Variants in NUP210 observed in about 807,000 individuals in gnomAD.
The protein encoded by NUP210 is nucleoporin 210.
Under a neutral mutation model 196.0 loss-of-function variants are expected in NUP210, and 151 were observed. The ratio of observed to expected loss-of-function variants is 0.77; its 90% confidence interval spans 0.67 to 0.88. NUP210 has a LOEUF of 0.88. NUP210 is among the 40% of genes least tolerant of loss of function. NUP210 has a pLI of 0.00. For synonymous variants in NUP210, 1,070 were observed against 1,052.7 expected, an observed-to-expected ratio of 1.02 and a Z score of -0.32; for missense variants, 2,314 against 2,493.7, an observed-to-expected ratio of 0.93 and a Z score of 1.53.
intron 1 of NUP210, among the ~76,000 whole-genome samples, chr3:13,406,798 T>C (rs1293202595): frequency 2.0e-5 from 3 of 152,186 alleles, no homozygotes; most frequent in South Asian, 4.1e-4. Flanking sequence ...GTGGGCGGCA[T>C]GTCTGCCCTA....
intron 1 of NUP210, among the ~76,000 whole-genome samples, chr3:13,407,036 G>A (rs187482789): frequency 2.4e-4 from 37 of 152,302 alleles, no homozygotes; most frequent in African/African-American, 7.9e-4. Context: ...CACCAGCTGC[G>A]TGATCTTGAC....
chr3:13,392,629 T>C (rs769024934), intron 3 of NUP210, among the ~76,000 whole-genome samples: 1 of 152,220 alleles, frequency 6.6e-6, no homozygotes, highest in Non-Finnish European at 1.5e-5. Flanking sequence ...AGATGGGGGC[T>C]TGAGACCCTT....
chr3:13,419,161 AACAGAAATAAAG>A lies in NUP210; in HGVS notation c.167+887_167+898del, dbSNP rs368424135. ...TGCCTCAACCTTGACCCAGTCTTGA[AACAGAAATAAAG>A]GGAGCAACTACTGAGCATCCTGGGG... On this transcript the variant is annotated intron_variant, in intron 1 of 39. Coordinates refer to ENST00000254508, the MANE Select transcript of NUP210 (RefSeq NM_024923.4). Among the ~76,000 whole-genome samples the A allele has an allele frequency of 5.2e-3, 789 of 152,252 alleles. 5 individuals carry two copies. Among genetic ancestry groups the A allele is most frequent in the African/African-American group, 0.018 (742 of 41,554 alleles).
At chr3:13,325,745 C>T (rs376699347) in intron 33 of NUP210, 50 bp downstream of exon 33, 30 of 1,599,020 alleles carry the variant, frequency 1.9e-5, no homozygotes, top group South Asian at 8.8e-5. Flanking sequence ...AGGTCAGGCC[C>T]GCCTCACAGG....
chr3:13,330,402 A>G (rs2124842584), intron 30 of NUP210, 58 bp downstream of exon 30: 2 of 1,513,310 alleles, frequency 1.3e-6, no homozygotes, highest in Non-Finnish European at 1.8e-6. Flanking sequence ...CCTGAGAGGC[A>G]TATTACCTCA....
At position 13,379,107 on chromosome 3, in the gene NUP210, C is replaced by T; in HGVS notation, c.977-127G>A. Reference sequence around the variant, plus strand: ...GAGAGAAGAAGAGGGGATGAAAACTCCCCTGGCTTAGGCCACGTAGAGCAA... The same window carrying T: ...GAGAGAAGAAGAGGGGATGAAAACTTCCCTGGCTTAGGCCACGTAGAGCAA... On this transcript the variant is annotated intron_variant, in intron 7 of 39. Coordinates refer to ENST00000254508, the MANE Select transcript of NUP210 (RefSeq NM_024923.4). The surrounding 1 kb of genome is among the most constrained non-coding windows in gnomAD (Gnocchi z 4.2). The T allele has an allele frequency of 1.2e-6, 1 of 830,002 alleles. No individual in the cohort carries two copies. The highest frequency in any genetic ancestry group is 1.9e-5 in the Admixed American group (1 of 52,110). The allele number at this position is 830,002 out of a possible 1,614,324, so 51.4% of individuals were successfully genotyped here. A position where few individuals can be genotyped will look rare whatever the true frequency, so the allele number is the denominator to read the frequency against.
chr3:13,413,579 TG>T (rs1323490954), intron 1 of NUP210, among the ~76,000 whole-genome samples: 1 of 152,154 alleles, frequency 6.6e-6, no homozygotes, highest in Non-Finnish European at 1.5e-5. Context: ...CAGTAAGTCC[TG>T]GGGGGAAGCT....
Position 13,358,221 on chromosome 3 carries a change from C to A in NUP210, c.2328+1G>T. On this transcript the variant is annotated splice_donor_variant, in intron 16 of 39. Transcript: ENST00000254508. LOFTEE classifies it high-confidence loss of function. ...TCCTCCCGAGCATAGCCCACACTCA[C>A]CACCTGCTTGTTCTGCTGCAGCAGC... is the stretch of plus-strand genomic sequence containing the variant. The A allele has an allele frequency of 6.2e-7, 1 of 1,603,784 alleles. No individual in the cohort carries two copies. Among genetic ancestry groups the A allele is most frequent in the Non-Finnish European group, 8.5e-7 (1 of 1,173,472 alleles).
Position 13,332,313 on chromosome 3 carries a change from A to G in NUP210, c.3915T>C (p.Tyr1305=), listed in dbSNP as rs755182715. The part of the protein sequence containing the change: ...AEQILMSPNS[Y]IKLQTNRDGA... ...CGTACCTGTTTGTCTGCAGCTTTAT[A>G]TATGAGTTGGGCGACATTAATATTT... Residue 1305 remains tyrosine, a synonymous_variant, in exon 29 of 40, where the codon TAT becomes TAC. Transcript: ENST00000254508. The G allele has an allele frequency of 5.6e-6, 9 of 1,613,710 alleles. No homozygotes were observed. In the African/African-American group the frequency reaches 8.0e-5, roughly 14 times the overall value.
intron 20 of NUP210, among the ~76,000 whole-genome samples, chr3:13,346,620 C>G (rs1020534859): frequency 6.6e-6 from 1 of 152,202 alleles, no homozygotes; most frequent in Non-Finnish European, 1.5e-5. Flanking sequence ...TACCTCGGAG[C>G]TTGCCAGGCC....
chr3:13,395,054 C>G (rs1160026983), intron 3 of NUP210, among the ~76,000 whole-genome samples: 1 of 152,060 alleles, frequency 6.6e-6, no homozygotes, highest in Non-Finnish European at 1.5e-5. Flanking sequence ...TCTGTGGAGA[C>G]CAGGTGACGT....
In NUP210 at chr3:13,369,894, G is replaced by A. The variant is rs79725003; in HGVS notation, c.1786+1940C>T. On this transcript the variant is annotated intron_variant, in intron 13 of 39. Coordinates refer to ENST00000254508, the MANE Select transcript of NUP210 (RefSeq NM_024923.4). ...GCCAAGTCCAACTGCAGTAAGCAGAGGGAGCCACAGAGGGGAGGCCAGCCT... is the reference window on the plus strand; with the variant it reads ...GCCAAGTCCAACTGCAGTAAGCAGAAGGAGCCACAGAGGGGAGGCCAGCCT... Among the ~76,000 whole-genome samples the A allele has an allele frequency of 3.0e-3, 452 of 152,350 alleles. 3 individuals are homozygous for A. The highest frequency in any genetic ancestry group is 0.01 in the African/African-American group (424 of 41,574).
chr3:13,337,547 T>G (rs1372072535), intron 26 of NUP210, among the ~76,000 whole-genome samples: 1 of 152,228 alleles, frequency 6.6e-6, no homozygotes, highest in East Asian at 1.9e-4. Flanking sequence ...AATGGATTAA[T>G]GTCCAAGACA....
intron 13 of NUP210, 67 bp downstream of exon 13, chr3:13,371,767 T>C (rs754524374): frequency 1.4e-6 from 2 of 1,450,602 alleles, no homozygotes; most frequent in Non-Finnish European, 1.9e-6. Context: ...TGGCGGTCCA[T>C]GCTGAGAACC....
intron 2 of NUP210, among the ~76,000 whole-genome samples, chr3:13,399,447 T>C (rs1278428498): frequency 6.6e-6 from 1 of 152,168 alleles, no homozygotes; most frequent in Non-Finnish European, 1.5e-5. Flanking sequence ...ACTGTCATAG[T>C]AATGAGTTGC....
intron 30 of NUP210, among the ~76,000 whole-genome samples, chr3:13,330,218 C>T (rs1368205492): frequency 6.6e-6 from 1 of 152,224 alleles, no homozygotes; most frequent in African/African-American, 2.4e-5. Flanking sequence ...ATGGACCTTG[C>T]TGGGCCTCAT....
intron 6 of NUP210, among the ~76,000 whole-genome samples, chr3:13,384,299 T>C (rs1699203539): frequency 2.6e-5 from 4 of 152,304 alleles, no homozygotes; most frequent in South Asian, 2.1e-4. Flanking sequence ...TGGGTTTCCT[T>C]TGGGGAGAAG....
chr3:13,324,314 A>G (rs1007772596), intron 33 of NUP210, among the ~76,000 whole-genome samples: 1 of 150,460 alleles, frequency 6.6e-6, no homozygotes, highest in Non-Finnish European at 1.5e-5. Context: ...GTGCCCGTGC[A>G]CTCCCACCCA....
intron 29 of NUP210, 46 bp downstream of exon 29, chr3:13,332,247 A>G (rs1309558171): frequency 6.6e-7 from 1 of 1,514,170 alleles, no homozygotes; most frequent in South Asian, 1.1e-5. Flanking sequence ...GTCGGATGCA[A>G]GCACAGCCGC....
Sources: allele counts gnomAD v4.1 joint callset (sites outside exome capture counted in the v4.1 genomes callset), GRCh38; gene constraint gnomAD v4.1.1; non-coding constraint Gnocchi (gnomAD v3.1); transcripts MANE v1.5; gene names NCBI Gene and HGNC (gene_info 2026-07-23, HGNC 2026-07-21).